PHF24: variants seen among roughly 807,000 people sequenced by gnomAD.
PHF24 encodes Galpha inhibitory interacting protein.
A neutral mutation model predicts 42.6 loss-of-function variants in PHF24; 25 were observed. The observed-to-expected ratio is 0.59, with a 90% confidence interval of 0.43 to 0.82. The LOEUF is 0.82. Ranked by LOEUF, PHF24 falls within the 40% of genes least tolerant of loss-of-function variation. PHF24 has a pLI of 0.00. For missense variants in PHF24, 470 were observed against 538.1 expected (o/e 0.87, Z 1.25); for synonymous variants, 185 against 204.8 (o/e 0.90, Z 0.83).
At chr9:34,950,595 ATAT>A in the PHF24 span, among the ~76,000 whole-genome samples, 20 of 152,264 alleles carry the variant, frequency 1.3e-4, no homozygotes, top group South Asian at 4.1e-3. Flanking sequence ...ATAAAGAAGA[ATAT>A]TATGAAATTA....
the PHF24 span, among the ~76,000 whole-genome samples, chr9:34,693,612 C>T: frequency 3.9e-5 from 6 of 152,060 alleles, no homozygotes; most frequent in Non-Finnish European, 7.4e-5. Flanking sequence ...GAGATCCAAA[C>T]GAGCCTCAGG....
chr9:34,959,045 C>G (rs933554306), intron 1 of PHF24, among the ~76,000 whole-genome samples: 1 of 152,230 alleles, frequency 6.6e-6, no homozygotes, highest in Admixed American at 6.5e-5. Flanking sequence ...TCCTCTTTCC[C>G]CATTCGGATT....
At chr9:34,742,718 C>A in the PHF24 span, among the ~76,000 whole-genome samples, 1 of 143,020 alleles carries the variant, frequency 7.0e-6, no homozygotes, top group South Asian at 2.4e-4. Context: ...GTGTGAGCCA[C>A]AATGCCCGGC....
chr9:34,788,376 C>T, the PHF24 span, among the ~76,000 whole-genome samples: 2 of 152,040 alleles, frequency 1.3e-5, no homozygotes, highest in East Asian at 1.9e-4. Context: ...GCAAAATCCA[C>T]GACTCTCAAA....
At chr9:34,876,753 A>C in the PHF24 span, among the ~76,000 whole-genome samples, 2 of 152,210 alleles carry the variant, frequency 1.3e-5, no homozygotes, top group African/African-American at 4.8e-5. Flanking sequence ...AAAATGGTAC[A>C]GCCATTTGAA....
At chr9:34,718,483 A>G in the PHF24 span, among the ~76,000 whole-genome samples, 3 of 152,122 alleles carry the variant, frequency 2.0e-5, no homozygotes, top group African/African-American at 7.2e-5. Flanking sequence ...TACCTCTCAT[A>G]TTCCCACCTG....
At chr9:34,733,129 C>G in the PHF24 span, among the ~76,000 whole-genome samples, 12 of 152,320 alleles carry the variant, frequency 7.9e-5, no homozygotes, top group South Asian at 2.5e-3. Context: ...TGAATTTGCA[C>G]TCTCACCAAA....
chr9:34,905,863 G>A, the PHF24 span, among the ~76,000 whole-genome samples: 3 of 152,210 alleles, frequency 2.0e-5, no homozygotes, highest in African/African-American at 2.4e-5. Context: ...TTGTCTTCGT[G>A]TGGAAACTGG....
the PHF24 span, chr9:34,727,929 A>C: frequency 8.4e-7 from 1 of 1,195,208 alleles, no homozygotes; most frequent in Non-Finnish European, 1.2e-6. Context: ...CCTCCCAGCC[A>C]TTATCTTTCT....
At chr9:34,824,352 A>G in the PHF24 span, among the ~76,000 whole-genome samples, 1,111 of 152,346 alleles carry the variant, frequency 7.3e-3, 17 homozygotes, top group African/African-American at 0.025. Context: ...CTGGGGAAAT[A>G]TATGACACAT....
intron 1 of PHF24, among the ~76,000 whole-genome samples, chr9:34,970,915 A>G (rs1281485759): frequency 1.3e-5 from 2 of 152,258 alleles, no homozygotes; most frequent in East Asian, 3.9e-4. Context: ...AATAGCCCTC[A>G]TTCCATAGAT....
At chr9:34,845,498 G>GT in the PHF24 span, among the ~76,000 whole-genome samples, 3 of 151,804 alleles carry the variant, frequency 2.0e-5, no homozygotes, top group Non-Finnish European at 4.4e-5. Context: ...ATCTAGTCTA[G>GT]TTTTTTTGCT....
chr9:34,976,461 G>A, intron 4 of PHF24, 74 bp from the exon 5 acceptor site: 1 of 1,506,426 alleles, frequency 6.6e-7, no homozygotes. Context: ...GGCCCCGAGG[G>A]TGCCCTGGAG....
At chr9:34,948,299 T>G in the PHF24 span, among the ~76,000 whole-genome samples, 1 of 152,140 alleles carries the variant, frequency 6.6e-6, no homozygotes, top group Admixed American at 6.6e-5. Flanking sequence ...TAATTTTTTT[T>G]GAAGAAAGAA....
chr9:34,895,674 T>C, the PHF24 span: 2 of 404,138 alleles, frequency 4.9e-6, no homozygotes, highest in Non-Finnish European at 8.8e-6. Context: ...GATCCATAGG[T>C]GTATAAGGGA....
the PHF24 span, among the ~76,000 whole-genome samples, chr9:34,745,816 A>G: frequency 6.6e-6 from 1 of 152,052 alleles, no homozygotes; most frequent in Non-Finnish European, 1.5e-5. Context: ...GATTAAGTTG[A>G]TTCAGACCAT....
At chr9:34,804,850 T>C in the PHF24 span, among the ~76,000 whole-genome samples, 1 of 152,214 alleles carries the variant, frequency 6.6e-6, no homozygotes, top group Non-Finnish European at 1.5e-5. Context: ...AAAGAAACCC[T>C]GTACCTTTTA....
At chr9:34,906,060 G>A in the PHF24 span, among the ~76,000 whole-genome samples, 1 of 152,046 alleles carries the variant, frequency 6.6e-6, no homozygotes, top group Non-Finnish European at 1.5e-5. Context: ...GAGAAGGAAA[G>A]ACAGGAAGGA....
the PHF24 span, among the ~76,000 whole-genome samples, chr9:34,778,381 T>C: frequency 2.6e-5 from 4 of 152,144 alleles, no homozygotes; most frequent in Middle Eastern, 3.2e-3. Flanking sequence ...CTAAGGGAGA[T>C]GTATTATAGA....
Sources: gnomAD v4.1 joint callset for allele counts (sites outside exome capture counted in the v4.1 genomes callset) on GRCh38, gnomAD v4.1.1 for gene constraint, MANE v1.5 for transcripts, NCBI Gene and HGNC (gene_info 2026-07-23, HGNC 2026-07-21) for gene names.